The following ZNF37A variants were observed in gnomAD, a reference collection of about 807,000 sequenced individuals.
The protein encoded by ZNF37A is zinc finger protein 37A, also known as zinc finger protein 37a (KOX 21).
In ZNF37A, 10 loss-of-function variants were observed where a neutral mutation model predicts 12.3. The ratio of observed to expected loss-of-function variants is 0.82; its 90% CI spans 0.50 to 1.38. ZNF37A has a LOEUF of 1.38. ZNF37A is among the 40% of genes most tolerant of loss of function. ZNF37A has a pLI of 0.00. For synonymous variants in ZNF37A, 207 were observed against 223.0 expected (o/e 0.93, Z 0.64); for missense variants, 580 against 651.2 (o/e 0.89, Z 1.19).
chr10:38,118,478 C>T lies in ZNF37A; in HGVS notation c.1327C>T (p.Gln443Ter). Residue 443 changes from glutamine to a stop codon, truncating the protein, a stop_gained, in exon 8 of 8, where the codon CAG becomes TAG. Coordinates refer to ENST00000685332, the MANE Select transcript of ZNF37A (RefSeq NM_001324250.3). LOFTEE classifies it low-confidence loss of function (END_TRUNC). ...AGGTGAGAAACCTTATGAATGTATT[C>T]AGTGTGGAAAATTTTTCTGCTACTA... The part of the protein sequence containing the change: ...HTGEKPYECI[Q>*]CGKFFCYYSG... 1 of 1,613,754 alleles carries T rather than the reference C, an allele frequency of 6.2e-7. No homozygotes were observed. Among genetic ancestry groups the T allele is most frequent in the Non-Finnish European group, 8.5e-7 (1 of 1,179,950 alleles).
intron 7 of ZNF37A, among the ~76,000 whole-genome samples, chr10:38,116,242 G>A (rs1158784077): frequency 6.6e-6 from 1 of 152,070 alleles, no homozygotes; most frequent in Non-Finnish European, 1.5e-5. Flanking sequence ...GAAAATCATA[G>A]GTAAAGTAAT....
At chr10:38,100,013 A>G (rs1161095523) in intron 5 of ZNF37A, among the ~76,000 whole-genome samples, 2 of 152,254 alleles carry the variant, frequency 1.3e-5, no homozygotes, top group East Asian at 3.9e-4. Context: ...AAATAAAGGG[A>G]CAGAGTATAA....
rs1590920563 is a variant in ZNF37A, at chr10:38,119,429, TAAG to T, written c.*596_*598del. On this transcript the variant is annotated 3_prime_UTR_variant, in exon 8 of 8. Transcript: ENST00000685332. ...GTTATATTTTATGGAGTATATGTAA[TAAG>T]AAGTAGCTTCTCAGTGAACATCAGA... is the stretch of plus-strand genomic sequence containing the variant. 2.0e-6 allele frequency: 2 copies of T among 981,166 alleles called. No individual in the cohort carries two copies. The highest frequency in any genetic ancestry group is 1.2e-6 in the Non-Finnish European group (1 of 825,056). The allele number at this position is 981,166 out of a possible 1,614,324, so 60.8% of individuals were successfully genotyped here. A position where few individuals can be genotyped will look rare whatever the true frequency, so the allele number is the denominator to read the frequency against.
At chr10:38,117,187 T>C (rs2069334735) in intron 7 of ZNF37A, 1 of 985,084 alleles carries the variant, frequency 1.0e-6, no homozygotes. Flanking sequence ...ATTATAGGAC[T>C]ATGAATTAGA....
intron 5 of ZNF37A, among the ~76,000 whole-genome samples, chr10:38,109,303 ACT>A (rs756065123): frequency 4.6e-5 from 7 of 152,018 alleles, no homozygotes; most frequent in Non-Finnish European, 1.0e-4. Context: ...CATGCTTAAA[ACT>A]CTCAAAAAAC....
chr10:38,140,431 C>T (rs1467869291), intron 7 of ZNF37A: 1 of 152,106 alleles, frequency 6.6e-6, no homozygotes. Context: ...AGCTAGATTC[C>T]TCACTGTTAC....
In ZNF37A at chr10:38,095,087, T is replaced by G. The variant is rs2472177; in HGVS notation, c.-335T>G. 67,167 of 152,558 alleles carry G rather than the reference T, an allele frequency of 0.44. 15,039 individuals carry two copies. Among genetic ancestry groups the G allele is most frequent in the East Asian group, 0.54 (2,817 of 5,174 alleles). The allele number at this position is 152,558 out of a possible 1,614,324, so 9.5% of individuals were successfully genotyped here. A position where few individuals can be genotyped will look rare whatever the true frequency, so the allele number is the denominator to read the frequency against. ...CTGTCCAGCCTCGCCTGTGTCCCCATTAGCACCAGTGGGCATTTTCAGAGG... is the reference window on the plus strand; with the variant it reads ...CTGTCCAGCCTCGCCTGTGTCCCCAGTAGCACCAGTGGGCATTTTCAGAGG... On this transcript the variant is annotated 5_prime_UTR_variant, in exon 2 of 8. Coordinates refer to ENST00000685332, the MANE Select transcript of ZNF37A (RefSeq NM_001324250.3).
downstream of ZNF37A, among the ~76,000 whole-genome samples, chr10:38,129,316 A>AAAAAAAAAAAAAAAAAAAC (rs1432210552): frequency 7.0e-6 from 1 of 142,430 alleles, no homozygotes; most frequent in Non-Finnish European, 1.5e-5. Context: ...AAAAAAAAAA[A>AAAAAAAAAAAAAAAAAAAC]AAAAAACTAT....
intron 7 of ZNF37A, 36 bp downstream of exon 7, chr10:38,115,326 G>A: frequency 3.1e-6 from 5 of 1,601,976 alleles, no homozygotes; most frequent in Non-Finnish European, 4.3e-6. Context: ...TTTAAAGGAA[G>A]GTAGATCACA....
At position 38,118,682 on chromosome 10, in the gene ZNF37A, A is replaced by G. The variant is rs2069496653; in HGVS notation, c.1531A>G (p.Ile511Val). Residue 511 changes from isoleucine (I) to valine (V), a missense_variant, in exon 8 of 8, where the codon ATT becomes GTT. Physicochemically the swap from Ile to Val is conservative, Grantham distance 29. Transcript: ENST00000685332. ...ATCATTCTGTGTGAAGTCAAAACTC[A>G]TTGCACATCATAGAACACACACAGG... is the stretch of plus-strand genomic sequence containing the variant. ...GKSFCVKSKL[I>V]AHHRTHTGEK... The G allele has an allele frequency of 6.2e-7, 1 of 1,613,824 alleles. No homozygotes were observed. The highest frequency in any genetic ancestry group is 8.5e-7 in the Non-Finnish European group (1 of 1,179,942).
rs1350825359 is a variant in ZNF37A at position 38,124,547 on chromosome 10, A to G, written c.*5710A>G. 1 of 152,206 alleles carries G rather than the reference A, an allele frequency of 6.6e-6. No individual in the cohort carries two copies. Among genetic ancestry groups the G allele is most frequent in the Non-Finnish European group, 1.5e-5 (1 of 68,038 alleles). The allele number at this position is 152,206 out of a possible 1,614,324, so 9.4% of individuals were successfully genotyped here. A position where few individuals can be genotyped will look rare whatever the true frequency, so the allele number is the denominator to read the frequency against. ...ACATTGCATGCCTATATCAAAATAT[A>G]TCATGTACCCCATAGATATATACAC... On this transcript the variant is annotated 3_prime_UTR_variant, in exon 8 of 8. Transcript: ENST00000685332.
rs1225518550 is a variant in ZNF37A at position 38,121,361 on chromosome 10, T to A, written c.*2524T>A. The A allele has an allele frequency of 6.6e-6, 1 of 152,180 alleles. No homozygotes were observed. The highest frequency in any genetic ancestry group is 2.1e-4 in the South Asian group (1 of 4,818). The allele number at this position is 152,180 out of a possible 1,614,324, so 9.4% of individuals were successfully genotyped here. On this transcript the variant is annotated 3_prime_UTR_variant, in exon 8 of 8. Coordinates refer to ENST00000685332, the MANE Select transcript of ZNF37A (RefSeq NM_001324250.3). Reference sequence around the variant, plus strand: ...AGGGCAATCAAAAGATTTATTATTTTAAAAAAATCAGTGTGGACTTCCATT... The same window carrying A: ...AGGGCAATCAAAAGATTTATTATTTAAAAAAAATCAGTGTGGACTTCCATT...
intron 5 of ZNF37A, among the ~76,000 whole-genome samples, chr10:38,107,002 T>G (rs1157141573): frequency 2.6e-5 from 4 of 151,888 alleles, no homozygotes; most frequent in African/African-American, 7.3e-5. Context: ...GAAATACAGA[T>G]AACACCACAA....
intron 7 of ZNF37A, 71 bp downstream of exon 7, chr10:38,115,361 C>T (rs1018973084): frequency 1.2e-5 from 19 of 1,543,124 alleles, no homozygotes; most frequent in Non-Finnish European, 1.7e-5. Flanking sequence ...ATAATAAGAC[C>T]ATTGAAATGT....
intron 5 of ZNF37A, among the ~76,000 whole-genome samples, chr10:38,112,039 G>A (rs1432964528): frequency 6.7e-6 from 1 of 149,112 alleles, no homozygotes; most frequent in African/African-American, 2.5e-5. Flanking sequence ...TTCTAGTCAT[G>A]TGTGGTCACT....
intron 5 of ZNF37A, among the ~76,000 whole-genome samples, chr10:38,097,583 C>CAAAAAAAAAAA (rs71007695): frequency 6.8e-4 from 42 of 61,936 alleles, no homozygotes; most frequent in African/African-American, 1.3e-3. Flanking sequence ...GACTCTGTCT[C>CAAAAAAAAAAA]AAAAAAAAAA....
At chr10:38,111,832 A>T (rs2068682201) in intron 5 of ZNF37A, among the ~76,000 whole-genome samples, 1 of 151,914 alleles carries the variant, frequency 6.6e-6, no homozygotes, top group African/African-American at 2.4e-5. Context: ...CAGGCGTAGA[A>T]TTCTCAGCTA....
chr10:38,126,226 C>T (rs1486972277), downstream of ZNF37A, among the ~76,000 whole-genome samples: 8 of 152,312 alleles, frequency 5.3e-5, no homozygotes, highest in East Asian at 1.9e-4. Context: ...CATAGTTTTA[C>T]GGACCTGAAA....
intron 5 of ZNF37A, among the ~76,000 whole-genome samples, chr10:38,113,970 T>G (rs1375104531): frequency 6.6e-6 from 1 of 152,214 alleles, no homozygotes; most frequent in Non-Finnish European, 1.5e-5. Flanking sequence ...AGCATGCCTA[T>G]TTATATTTTT....
Sources: allele counts gnomAD v4.1 joint callset (sites outside exome capture counted in the v4.1 genomes callset), GRCh38; gene constraint gnomAD v4.1.1; transcripts MANE v1.5; gene names NCBI Gene and HGNC (gene_info 2026-07-23, HGNC 2026-07-21).